TRIM2: variants seen among roughly 807,000 people sequenced by gnomAD.
TRIM2 encodes tripartite motif-containing protein 2.
TRIM2 carries 20 observed loss-of-function variants against 75.2 expected under a neutral mutation model. That is an observed-to-expected ratio of 0.27 (90% CI 0.19 to 0.39). The LOEUF (loss-of-function observed/expected upper bound fraction) is 0.39. Ranked by LOEUF, TRIM2 falls within the 10% of genes least tolerant of loss-of-function variation. The probability of loss-of-function intolerance (pLI) is 1.00; values close to 1 mark genes in which losing one functional copy is unlikely to be tolerated. For missense variants in TRIM2, 660 were observed against 990.8 expected (o/e 0.67, Z 4.48); for synonymous variants, 373 against 388.3 (o/e 0.96, Z 0.46).
At chr4:153,195,718 C>T (rs1733697894) in intron 1 of TRIM2, among the ~76,000 whole-genome samples, 2 of 152,174 alleles carry the variant, frequency 1.3e-5, no homozygotes, top group Admixed American at 6.6e-5. Flanking sequence ...TTTGTTTCCG[C>T]TGTTTGTTCT....
At chr4:153,297,382 T>C (rs1283421457) in intron 6 of TRIM2, among the ~76,000 whole-genome samples, 1 of 152,176 alleles carries the variant, frequency 6.6e-6, no homozygotes, top group Non-Finnish European at 1.5e-5. Flanking sequence ...ACTTGAGCCT[T>C]GGGCAAATCT....
At chr4:153,264,580 T>A (rs1331002532) in intron 1 of TRIM2, among the ~76,000 whole-genome samples, 1 of 152,228 alleles carries the variant, frequency 6.6e-6, no homozygotes, top group Non-Finnish European at 1.5e-5. Context: ...AGCATGTATA[T>A]AAAACATTTG....
chr4:153,235,312 T>A (rs947375726), intron 1 of TRIM2, among the ~76,000 whole-genome samples: 9 of 150,764 alleles, frequency 6.0e-5, no homozygotes, highest in African/African-American at 2.2e-4. Context: ...TGAGACAAGG[T>A]CTTGCTCTGT....
At chr4:153,275,497 G>A (rs746584346) in intron 2 of TRIM2, among the ~76,000 whole-genome samples, 3 of 152,210 alleles carry the variant, frequency 2.0e-5, no homozygotes, top group Non-Finnish European at 4.4e-5. Context: ...GCTAGATATT[G>A]TGGGCCAGTG....
At chr4:153,296,588 A>G (rs1156355120) in intron 6 of TRIM2, among the ~76,000 whole-genome samples, 1 of 152,158 alleles carries the variant, frequency 6.6e-6, no homozygotes, top group East Asian at 1.9e-4. Flanking sequence ...AGCAGCCCCA[A>G]GGAGAGGAGG....
At chr4:153,275,738 C>T (rs1229220399) in intron 2 of TRIM2, among the ~76,000 whole-genome samples, 155 bp from the exon 3 acceptor site, 1 of 152,158 alleles carries the variant, frequency 6.6e-6, no homozygotes, top group Non-Finnish European at 1.5e-5. Context: ...GTACAGCTTA[C>T]CTGTTGGTTT....
chr4:153,171,840 C>CTTTTTTTTTTT (rs398064151), intron 1 of TRIM2, among the ~76,000 whole-genome samples: 2 of 114,784 alleles, frequency 1.7e-5, no homozygotes, highest in African/African-American at 6.9e-5. Context: ...CGTTTTGGGG[C>CTTTTTTTTTTT]TTTTTTTTTT....
chr4:153,182,666 A>G (rs1169678661), intron 1 of TRIM2, among the ~76,000 whole-genome samples: 1 of 152,248 alleles, frequency 6.6e-6, no homozygotes, highest in Non-Finnish European at 1.5e-5. Flanking sequence ...GGAATGGCTC[A>G]TTTTATGATC....
At chr4:153,234,934 C>CCCGTG (rs918747901) in intron 1 of TRIM2, among the ~76,000 whole-genome samples, 4 of 152,182 alleles carry the variant, frequency 2.6e-5, no homozygotes, top group African/African-American at 9.7e-5. Context: ...CTTAACCTTC[C>CCCGTG]CCGTGCCCTG....
rs73854643 is a variant in TRIM2, at chr4:153,281,349, A to G, written c.453+5219A>G. Among the ~76,000 whole-genome samples the G allele has an allele frequency of 8.1e-3, 1,230 of 152,374 alleles. 15 individuals are homozygous for G. The highest frequency in any genetic ancestry group is 0.028 in the African/African-American group (1,158 of 41,590). On this transcript the variant is annotated intron_variant, in intron 3 of 11. Coordinates refer to ENST00000338700, the MANE Select transcript of TRIM2 (RefSeq NM_015271.5). ...TGGAAATATTTCTAAGGAAATAGCT[A>G]GAGCGGAAGATAAAGCTCAAAAATT... is the stretch of plus-strand genomic sequence containing the variant.
chr4:153,318,262 T>G (rs1768137398), intron 8 of TRIM2, among the ~76,000 whole-genome samples: 1 of 152,234 alleles, frequency 6.6e-6, no homozygotes, highest in African/African-American at 2.4e-5. Context: ...TCTGTTTTCC[T>G]TTTTAAAGTC....
upstream of TRIM2, among the ~76,000 whole-genome samples, chr4:153,200,929 G>C (rs1000092112): frequency 6.6e-6 from 1 of 151,526 alleles, no homozygotes; most frequent in African/African-American, 2.4e-5. Flanking sequence ...TGGGATTACA[G>C]GTATGAGCCA....
chr4:153,268,538 A>G (rs1755865082), intron 1 of TRIM2, among the ~76,000 whole-genome samples: 1 of 152,182 alleles, frequency 6.6e-6, no homozygotes, highest in Admixed American at 6.5e-5. Context: ...AAGCAGTTTC[A>G]CTTTCTCTCT....
rs558700232 is a variant in TRIM2, at chr4:153,271,965, T to C, written c.215+1446T>C. Reference sequence around the variant, plus strand: ...CACTCTGACAGGTGAGAAGCAACACTCTGGCTGCCCTAGGTCTGCCCCTGC... The same window carrying C: ...CACTCTGACAGGTGAGAAGCAACACCCTGGCTGCCCTAGGTCTGCCCCTGC... On this transcript the variant is annotated intron_variant, in intron 2 of 11. Coordinates refer to ENST00000338700, the MANE Select transcript of TRIM2 (RefSeq NM_015271.5). 6.6e-5 allele frequency among the ~76,000 whole-genome samples: 10 copies of C among 152,284 alleles called. No homozygotes were observed. In the South Asian group the frequency reaches 2.1e-3, roughly 32 times the overall value.
At position 153,334,877 on chromosome 4, in the gene TRIM2, C is replaced by A. The variant is rs1482834182; in HGVS notation, c.2227C>A (p.Pro743Thr). The A allele has an allele frequency of 6.2e-7, 1 of 1,613,884 alleles. No individual in the cohort carries two copies. Among genetic ancestry groups the A allele is most frequent in the African/African-American group, 1.3e-5 (1 of 74,902 alleles). Residue 743 changes from proline (P) to threonine (T), a missense_variant, in exon 12 of 12, where the codon CCC becomes ACC. Around this residue, in one of 2 missense-constraint regions of TRIM2, gnomAD observed 40 missense variants for 99.8 expected, o/e 0.40. Transcript: ENST00000338700. ...CACATCTGCTGACCCACTCTATGGC[C>A]CCCAAGGCCTGGCCCTAACTTCAGA... ...INTSADPLYGPQGLALTSDGH... is the reference protein window; with the variant it reads ...INTSADPLYGTQGLALTSDGH...
In TRIM2 at chr4:153,244,431, T is replaced by C. The variant is rs577285671; in HGVS notation, c.31-25904T>C. On this transcript the variant is annotated intron_variant, in intron 1 of 11. Transcript: ENST00000338700. ...TTCTTCTTCTTCTTCTTCTTCTTCT[T>C]CTTCTTTTAATTAGAGAGGAGGCCT... Among the ~76,000 whole-genome samples the C allele has an allele frequency of 3.0e-4, 36 of 118,824 alleles. 1 individual carries two copies. The highest frequency in any genetic ancestry group is 5.9e-4 in the Admixed American group (6 of 10,164). 78.0% of individuals were successfully genotyped at this position (118,824 alleles called of 152,430 possible). A position where few individuals can be genotyped will look rare whatever the true frequency, so the allele number is the denominator to read the frequency against.
At chr4:153,275,677 C>T (rs1757849382) in intron 2 of TRIM2, among the ~76,000 whole-genome samples, 1 of 152,246 alleles carries the variant, frequency 6.6e-6, no homozygotes, top group Non-Finnish European at 1.5e-5. Context: ...CTACAAAAGT[C>T]AATGACATTT....
chr4:153,295,292 A>T lies in TRIM2; in HGVS notation c.787-21A>T. 1 of 1,557,340 alleles carries T rather than the reference A, an allele frequency of 6.4e-7. No homozygotes were observed. The highest frequency in any genetic ancestry group is 1.2e-5 in the South Asian group (1 of 80,478). On this transcript the variant is annotated intron_variant, in intron 5 of 11. Coordinates refer to ENST00000338700, the MANE Select transcript of TRIM2 (RefSeq NM_015271.5). This position sits in a 1 kb window ranked among gnomAD's most constrained non-coding sequence, Gnocchi z 7.2. ...CCCCGCCCTGTGGGACGAGCTCACC[A>T]GGCCTCCGGTTTTCCCGCAGGTCCT...
intron 1 of TRIM2, among the ~76,000 whole-genome samples, chr4:153,236,345 C>A (rs1443183279): frequency 6.6e-6 from 1 of 152,126 alleles, no homozygotes; most frequent in Non-Finnish European, 1.5e-5. Flanking sequence ...GTACCTCATA[C>A]CATGGAAAAC....
Sources: allele counts gnomAD v4.1 joint callset (sites outside exome capture counted in the v4.1 genomes callset), GRCh38; gene constraint gnomAD v4.1.1; regional missense constraint gnomAD v4.1.1; non-coding constraint Gnocchi (gnomAD v3.1); transcripts MANE v1.5; gene names NCBI Gene and HGNC (gene_info 2026-07-23, HGNC 2026-07-21).